The following ICE1 variants were observed in gnomAD, a reference collection of about 807,000 sequenced individuals.
ICE1 encodes little elongation complex subunit 1.
ICE1 carries 64 observed loss-of-function variants against 192.7 expected under a neutral mutation model. The observed-to-expected ratio is 0.33, with a 90% CI of 0.27 to 0.41. ICE1 has a LOEUF of 0.41. ICE1 is among the 10% of genes least tolerant of loss of function. ICE1 has a pLI of 1.00. For synonymous variants in ICE1, 1,010 were observed against 984.5 expected, an observed-to-expected ratio of 1.03 and a Z score of -0.49; for missense variants, 2,708 against 2,696.0, an observed-to-expected ratio of 1.00 and a Z score of -0.10.
intron 3 of ICE1, 39 bp downstream of exon 3, chr5:5,437,153 T>C (rs182760665): frequency 1.1e-3 from 1,623 of 1,441,054 alleles, no homozygotes; most frequent in Non-Finnish European, 1.4e-3. Flanking sequence ...GTTTTGGAAC[T>C]AACTTATGTT....
chr5:5,463,607 A>C lies in ICE1; in HGVS notation c.4273A>C (p.Thr1425Pro). 1 of 1,614,034 alleles carries C rather than the reference A, an allele frequency of 6.2e-7. No homozygotes were observed. Among genetic ancestry groups the C allele is most frequent in the Non-Finnish European group, 8.5e-7 (1 of 1,179,902 alleles). ...AGTCATTGAAAAGGGGGACAACTGG[A>C]CAATCATCAGTGGTGTAGCTGTCTT... ...NLVIEKGDNW[T>P]IISGVAVLPH... Residue 1425 changes from threonine to proline, a missense_variant, in exon 13 of 19, where the codon ACA (threonine) becomes CCA (proline). By Grantham distance (38) the Thr-to-Pro change is conservative. Coordinates refer to ENST00000296564, the MANE Select transcript of ICE1 (RefSeq NM_015325.3).
intron 6 of ICE1, among the ~76,000 whole-genome samples, chr5:5,443,885 T>C (rs1738123380): frequency 6.6e-6 from 1 of 152,232 alleles, no homozygotes; most frequent in African/African-American, 2.4e-5. Context: ...CTTCAACCAC[T>C]GCTTTCCATA....
intron 17 of ICE1, among the ~76,000 whole-genome samples, chr5:5,484,666 C>T (rs1342406620): frequency 6.6e-6 from 1 of 152,150 alleles, no homozygotes; most frequent in Admixed American, 6.5e-5. Flanking sequence ...TGCTGTGTAT[C>T]TCAATATTCA....
At chr5:5,443,981 C>G (rs1014467391) in intron 6 of ICE1, among the ~76,000 whole-genome samples, 2 of 152,122 alleles carry the variant, frequency 1.3e-5, no homozygotes, top group African/African-American at 4.8e-5. Flanking sequence ...CTCTTAGAGA[C>G]CATCTAGAAA....
At chr5:5,429,450 C>T (rs561751882) in intron 1 of ICE1, among the ~76,000 whole-genome samples, 2 of 152,270 alleles carry the variant, frequency 1.3e-5, no homozygotes, top group African/African-American at 4.8e-5. Flanking sequence ...GCACACACAC[C>T]TTGGAGCTTG....
chr5:5,473,150 T>G (rs1392396974), intron 15 of ICE1, among the ~76,000 whole-genome samples: 1 of 152,206 alleles, frequency 6.6e-6, no homozygotes, highest in Non-Finnish European at 1.5e-5. Context: ...TGATTCAGTT[T>G]TATGAATTTC....
At position 5,443,222 on chromosome 5, in the gene ICE1, G is replaced by C. The variant is rs1353514550; in HGVS notation, c.364G>C (p.Glu122Gln). The C allele has an allele frequency of 2.0e-6, 3 of 1,510,032 alleles. No homozygotes were observed. The highest frequency in any genetic ancestry group is 4.5e-5 in the Admixed American group (2 of 43,958). The allele number at this position is 1,510,032 out of a possible 1,614,324, so 93.5% of individuals were successfully genotyped here. ...TCAGGAATATGCTCGTGTAAAGGAA[G>C]AATGCTTGAAGAGTGATGCTCAGTA... ...THQEYARVKE[E>Q]CLKSDAQKKK... The change falls in exon 6 of 19, where the codon GAA (glutamate) becomes CAA (glutamine). Residue 122 changes from glutamate (E) to glutamine (Q), a missense_variant. By Grantham distance (29) the Glu-to-Gln change is conservative (BLOSUM62 2). Transcript: ENST00000296564.
chr5:5,434,791 A>G (rs1737822043), intron 1 of ICE1, among the ~76,000 whole-genome samples: 1 of 152,194 alleles, frequency 6.6e-6, no homozygotes, highest in Admixed American at 6.5e-5. Flanking sequence ...TATGAATTGT[A>G]TTTTCCTTAC....
chr5:5,488,860 C>T (rs1372811422), intron 18 of ICE1, among the ~76,000 whole-genome samples: 3 of 152,060 alleles, frequency 2.0e-5, no homozygotes, highest in Admixed American at 6.6e-5. Flanking sequence ...CAGTCGTGGC[C>T]GTGGGTGACT....
At chr5:5,476,123 T>A in intron 17 of ICE1, 44 bp downstream of exon 17, 1 of 1,179,846 alleles carries the variant, frequency 8.5e-7, no homozygotes, top group East Asian at 2.6e-5. Flanking sequence ...GTTATTGATA[T>A]CTTGGTGGAA....
chr5:5,434,690 G>A (rs964590970), intron 1 of ICE1, among the ~76,000 whole-genome samples: 1 of 152,152 alleles, frequency 6.6e-6, no homozygotes, highest in African/African-American at 2.4e-5. Context: ...CTTCAGGAAT[G>A]CGTAGAGGAA....
Position 5,461,300 on chromosome 5 carries a change from G to A in ICE1, c.1966G>A (p.Asp656Asn), listed in dbSNP as rs747005882. Residue 656 changes from aspartate to asparagine, a missense_variant, in exon 13 of 19, where the codon GAT (aspartate) becomes AAT (asparagine). Transcript: ENST00000296564. ...TTCTTCTGGGTTAGACTGTGGTAAT[G>A]ATACAGATATTACTACTAAAGTATT... is the stretch of plus-strand genomic sequence containing the variant. ...QSSSGLDCGN[D>N]TDITTKVFST... The A allele has an allele frequency of 6.8e-6, 11 of 1,613,554 alleles. No homozygotes were observed. The highest frequency in any genetic ancestry group is 1.1e-5 in the South Asian group (1 of 91,076).
chr5:5,438,118 G>C (rs1022837747), intron 3 of ICE1, among the ~76,000 whole-genome samples: 2 of 152,246 alleles, frequency 1.3e-5, no homozygotes, highest in African/African-American at 4.8e-5. Flanking sequence ...CATGGCAGAA[G>C]GGGAAGCAAA....
chr5:5,487,072 C>T (rs1739656151), intron 18 of ICE1, among the ~76,000 whole-genome samples: 1 of 152,194 alleles, frequency 6.6e-6, no homozygotes, highest in African/African-American at 2.4e-5. Context: ...AGTCTCTTCT[C>T]TTCCTGCGGC....
At chr5:5,423,039 C>G (rs1027378962) in intron 1 of ICE1, 40 bp downstream of exon 1, 1 of 1,288,850 alleles carries the variant, frequency 7.8e-7, no homozygotes, top group Admixed American at 3.8e-5. Flanking sequence ...GGGGGGGACT[C>G]GGCTCGGCCG....
intron 1 of ICE1, among the ~76,000 whole-genome samples, chr5:5,429,823 A>G (rs537899615): frequency 9.9e-5 from 15 of 152,266 alleles, no homozygotes; most frequent in Non-Finnish European, 1.8e-4. Context: ...ACAATTCAGG[A>G]GGGTATTGTA....
Position 5,457,565 on chromosome 5 carries a change from C to G in ICE1, c.925C>G (p.Gln309Glu). The G allele has an allele frequency of 1.9e-6, 3 of 1,613,936 alleles. No homozygotes were observed. The South Asian group carries it at 3.3e-5, about 18-fold the overall frequency. The change falls in exon 12 of 19, where the codon CAA (glutamine) becomes GAA (glutamate). Residue 309 changes from glutamine to glutamate, a missense_variant. Gln to Glu is a conservative substitution (Grantham distance 29, BLOSUM62 2). This residue lies in a region of ICE1 where 2,366 missense variants were observed against 2,276.6 expected (regional missense o/e 1.04). Transcript: ENST00000296564. ...GAATGGAAATCTTGAGGTTTTAGTA[C>G]AAAGTCATCGTGACGGTGGTAGTAC... ...NENGNLEVLV[Q>E]SHRDGGSTEF...
rs779231382 is a variant in ICE1 at position 5,461,338 on chromosome 5, G to C, written c.2004G>C (p.Pro668=). The change falls in exon 13 of 19, where the codon CCG becomes CCC. Residue 668 remains proline (P), a synonymous_variant. Coordinates refer to ENST00000296564, the MANE Select transcript of ICE1 (RefSeq NM_015325.3). The part of the protein sequence containing the change: ...DITTKVFSTE[P]HHSEHKLQTK... ...CTACTAAAGTATTCTCTACTGAACC[G>C]CATCATTCAGAACATAAATTGCAAA... The C allele has an allele frequency of 6.2e-7, 1 of 1,613,622 alleles. No individual in the cohort carries two copies. Among genetic ancestry groups the C allele is most frequent in the Non-Finnish European group, 8.5e-7 (1 of 1,179,754 alleles).
intron 10 of ICE1, among the ~76,000 whole-genome samples, chr5:5,449,691 G>A (rs1738356789): frequency 6.6e-6 from 1 of 152,196 alleles, no homozygotes; most frequent in Admixed American, 6.5e-5. Flanking sequence ...CATTTTGCCA[G>A]GTAATTGATT....
Sources: gnomAD v4.1 joint callset for allele counts (sites outside exome capture counted in the v4.1 genomes callset) on GRCh38, gnomAD v4.1.1 for gene constraint, gnomAD v4.1.1 regional missense constraint, MANE v1.5 for transcripts, NCBI Gene and HGNC (gene_info 2026-07-23, HGNC 2026-07-21) for gene names.